DNM3: variants seen among roughly 807,000 people sequenced by gnomAD.
The protein encoded by DNM3 is dynamin-3.
A neutral mutation model predicts 101.6 loss-of-function variants in DNM3; 47 were observed. That is an observed-to-expected ratio of 0.46 (90% CI 0.37 to 0.59). DNM3 has a LOEUF of 0.59. Among genes scored for constraint, DNM3 ranks in the 20% least tolerant of loss-of-function variants. The pLI is 0.00. For missense variants in DNM3, 849 were observed against 1,085.7 expected (o/e 0.78, Z 3.06); for synonymous variants, 385 against 387.9 (o/e 0.99, Z 0.09).
intron 16 of DNM3, among the ~76,000 whole-genome samples, chr1:172,319,321 G>C (rs2065572242): frequency 6.6e-6 from 1 of 151,980 alleles, no homozygotes. Context: ...TCAGGACATA[G>C]GCATGGGCAA....
intron 1 of DNM3, among the ~76,000 whole-genome samples, chr1:171,894,786 T>A (rs1159341672): frequency 7.8e-6 from 1 of 127,536 alleles, no homozygotes; most frequent in African/African-American, 3.0e-5. Context: ...CTGCCCTGTG[T>A]CCAAGTGTTC....
At chr1:172,109,102 C>T (rs562938523) in intron 13 of DNM3, among the ~76,000 whole-genome samples, 2 of 152,058 alleles carry the variant, frequency 1.3e-5, no homozygotes, top group Non-Finnish European at 2.9e-5. Flanking sequence ...TCTCAATTGA[C>T]TTTTGTCTTT....
intron 16 of DNM3, among the ~76,000 whole-genome samples, chr1:172,318,662 T>C (rs1405050527): frequency 1.3e-5 from 2 of 152,170 alleles, no homozygotes; most frequent in East Asian, 1.9e-4. Context: ...ATAAAATACC[T>C]AGGAATCCAG....
At chr1:171,849,634 G>A (rs576487782) in intron 1 of DNM3, among the ~76,000 whole-genome samples, 10 of 151,922 alleles carry the variant, frequency 6.6e-5, no homozygotes, top group Non-Finnish European at 1.3e-4. Flanking sequence ...GCCCACATTC[G>A]TTAAATGCAT....
chr1:172,218,482 T>C (rs1293201347), intron 14 of DNM3, among the ~76,000 whole-genome samples: 1 of 152,078 alleles, frequency 6.6e-6, no homozygotes, highest in Admixed American at 6.6e-5. Context: ...TTTTGGCAAG[T>C]TTTTTGTTGG....
chr1:172,207,009 C>T (rs2060345879), intron 14 of DNM3, among the ~76,000 whole-genome samples: 1 of 152,032 alleles, frequency 6.6e-6, no homozygotes, highest in African/African-American at 2.4e-5. Context: ...TTCTCTACCA[C>T]CCACAAATGC....
intron 1 of DNM3, among the ~76,000 whole-genome samples, chr1:171,889,097 A>G (rs1347302542): frequency 1.3e-5 from 2 of 152,080 alleles, no homozygotes; most frequent in Admixed American, 1.3e-4. Context: ...CTCTCACCTC[A>G]GCCTCCTGAG....
chr1:172,119,345 A>T (rs1269665694), intron 13 of DNM3, among the ~76,000 whole-genome samples: 1 of 152,072 alleles, frequency 6.6e-6, no homozygotes, highest in African/African-American at 2.4e-5. Flanking sequence ...ACCAGTGAAA[A>T]AAATTTTACG....
intron 14 of DNM3, among the ~76,000 whole-genome samples, chr1:172,230,810 G>A (rs902288142): frequency 1.3e-5 from 2 of 152,048 alleles, no homozygotes; most frequent in African/African-American, 2.4e-5. Context: ...AGAAATAAAT[G>A]TAACTAACTT....
intron 1 of DNM3, among the ~76,000 whole-genome samples, chr1:171,910,985 G>T (rs1558251782): frequency 6.6e-6 from 1 of 152,178 alleles, no homozygotes; most frequent in Non-Finnish European, 1.5e-5. Context: ...GGCTTCTGTG[G>T]TTAAGGAGTC....
chr1:172,042,454 G>A (rs1250889349), intron 8 of DNM3, among the ~76,000 whole-genome samples: 1 of 152,200 alleles, frequency 6.6e-6, no homozygotes. Context: ...GATTAAGACA[G>A]AGAAGACCCT....
At chr1:172,413,114 C>T (rs1411555688), downstream of DNM3, among the ~76,000 whole-genome samples, 1 of 152,222 alleles carries the variant, frequency 6.6e-6, no homozygotes, top group South Asian at 2.1e-4. Context: ...GTTAGGTCCA[C>T]AGAAGGCATT....
At chr1:172,071,850 A>G (rs1414017653) in intron 11 of DNM3, among the ~76,000 whole-genome samples, 3 of 152,142 alleles carry the variant, frequency 2.0e-5, no homozygotes, top group Non-Finnish European at 4.4e-5. Context: ...GTGGATGAAA[A>G]AGGCAGTGAG....
chr1:172,242,643 A>C (rs1452283008), intron 14 of DNM3, among the ~76,000 whole-genome samples: 1 of 152,172 alleles, frequency 6.6e-6, no homozygotes, highest in Non-Finnish European at 1.5e-5. Context: ...TGGTCTCACT[A>C]TCTTGCCCAG....
chr1:172,278,348 C>T (rs1197828560), intron 15 of DNM3, among the ~76,000 whole-genome samples: 1 of 150,218 alleles, frequency 6.7e-6, no homozygotes, highest in Non-Finnish European at 1.5e-5. Context: ...TTTTGGTTTC[C>T]CTGGCCACAT....
chr1:172,386,855 C>A, intron 18 of DNM3: 2 of 387,988 alleles, frequency 5.2e-6, no homozygotes, highest in Non-Finnish European at 9.7e-6. Flanking sequence ...AGCCAGCAGG[C>A]CCTGTTCTGG....
At chr1:171,944,846 TGGTGTTTCC>T (rs1364352408) in intron 2 of DNM3, among the ~76,000 whole-genome samples, 1 of 144,818 alleles carries the variant, frequency 6.9e-6, no homozygotes, top group Non-Finnish European at 1.5e-5. Flanking sequence ...TCTTTTTTTT[TGGTGTTTCC>T]TTTTTTTTTT....
At chr1:172,135,214 G>C (rs2057149969) in intron 14 of DNM3, among the ~76,000 whole-genome samples, 1 of 152,156 alleles carries the variant, frequency 6.6e-6, no homozygotes, top group Non-Finnish European at 1.5e-5. Context: ...AAGAGTTGCA[G>C]CAAACTGTAA....
chr1:172,343,076 C>A (rs1448549064), intron 17 of DNM3, among the ~76,000 whole-genome samples: 10 of 152,110 alleles, frequency 6.6e-5, no homozygotes. Context: ...GCTTTGAAGC[C>A]ACATGTGCAT....
Sources: allele counts gnomAD v4.1 joint callset (sites outside exome capture counted in the v4.1 genomes callset), GRCh38; gene constraint gnomAD v4.1.1; transcripts MANE v1.5; gene names NCBI Gene and HGNC (gene_info 2026-07-23, HGNC 2026-07-21).